CD96: variants seen among roughly 807,000 people sequenced by gnomAD.
The protein encoded by CD96 is CD96 molecule.
In CD96, 70 loss-of-function variants were observed where a neutral mutation model predicts 71.3. The observed-to-expected ratio is 0.98, with a 90% confidence interval of 0.81 to 1.20. The LOEUF (loss-of-function observed/expected upper bound fraction) is 1.20, where lower values mean the gene tolerates loss of function less well. Among genes scored for constraint, CD96 ranks in the 50% most tolerant of loss-of-function variants. The pLI is 0.00. For missense variants in CD96, 742 were observed against 677.5 expected, an observed-to-expected ratio of 1.10 and a Z score of -1.06; for synonymous variants, 248 against 233.0, an observed-to-expected ratio of 1.06 and a Z score of -0.59.
intron 2 of CD96, among the ~76,000 whole-genome samples, chr3:111,565,632 A>G (rs893278869): frequency 2.6e-5 from 4 of 152,066 alleles, no homozygotes; most frequent in Non-Finnish European, 5.9e-5. Flanking sequence ...TAGAGATGGT[A>G]TAGAAACAAC....
At chr3:111,553,597 A>G (rs910126931) in intron 2 of CD96, among the ~76,000 whole-genome samples, 5 of 151,918 alleles carry the variant, frequency 3.3e-5, no homozygotes, top group African/African-American at 1.2e-4. Flanking sequence ...TCCCTAATTT[A>G]TTAGCTTAAG....
intron 2 of CD96, among the ~76,000 whole-genome samples, chr3:111,562,024 C>A (rs1935458764): frequency 6.6e-6 from 1 of 152,196 alleles, no homozygotes; most frequent in African/African-American, 2.4e-5. Flanking sequence ...CTCCCTGACC[C>A]CTTGCACTTC....
chr3:111,550,040 G>A (rs1473894939), intron 2 of CD96, among the ~76,000 whole-genome samples: 4 of 152,222 alleles, frequency 2.6e-5, no homozygotes, highest in South Asian at 2.1e-4. Flanking sequence ...CCATGGTGAC[G>A]GATGGAGAAA....
At chr3:111,627,359 A>G (rs961856679) in intron 10 of CD96, among the ~76,000 whole-genome samples, 4 of 152,314 alleles carry the variant, frequency 2.6e-5, no homozygotes, top group Middle Eastern at 3.4e-3. Flanking sequence ...TCCACAACAC[A>G]GTTCCCCAGC....
intron 3 of CD96, among the ~76,000 whole-genome samples, chr3:111,575,782 G>T (rs1158178982): frequency 1.3e-5 from 2 of 152,202 alleles, no homozygotes; most frequent in Non-Finnish European, 2.9e-5. Context: ...GTCCTCACAT[G>T]GCAGAAGAGC....
chr3:111,550,280 G>A (rs1195873386), intron 2 of CD96, among the ~76,000 whole-genome samples: 2 of 152,148 alleles, frequency 1.3e-5, no homozygotes. Context: ...AGGCTGGAGG[G>A]AGAAGAGGAA....
chr3:111,612,019 G>C (rs1645332968), intron 8 of CD96, among the ~76,000 whole-genome samples: 1 of 152,174 alleles, frequency 6.6e-6, no homozygotes, highest in South Asian at 2.1e-4. Context: ...TTGAAGGCCT[G>C]TATTGTCCAG....
At chr3:111,665,172 A>AGTGTGTGTGTGTGT (rs3082291) in intron 14 of CD96, among the ~76,000 whole-genome samples, 4 of 149,260 alleles carry the variant, frequency 2.7e-5, no homozygotes, top group Non-Finnish European at 6.0e-5. Flanking sequence ...AGATGGAATA[A>AGTGTGTGTGTGTGT]GTGTGTGTGT....
rs548771216 is a variant in CD96, at chr3:111,574,306, C to T, written c.544-4721C>T. Among the ~76,000 whole-genome samples, 5 of 152,218 alleles carry T rather than the reference C, an allele frequency of 3.3e-5. 1 individual carries two copies. Among genetic ancestry groups the T allele is most frequent in the South Asian group, 2.1e-4 (1 of 4,826 alleles). The stretch of plus-strand genomic sequence containing the variant: ...GCTCCAAAATCTGAAACTTTTTTAG[C>T]GCACACATGATGCTCAAAAGAAATG... On this transcript the variant is annotated intron_variant, in intron 3 of 13. Coordinates refer to ENST00000352690, the MANE Select transcript of CD96 (RefSeq NM_005816.5).
At chr3:111,629,727 C>A (rs1938963483) in intron 10 of CD96, among the ~76,000 whole-genome samples, 1 of 152,178 alleles carries the variant, frequency 6.6e-6, no homozygotes, top group Admixed American at 6.5e-5. Flanking sequence ...CTTCTCATCA[C>A]CTCATGGCAC....
intron 14 of CD96, among the ~76,000 whole-genome samples, chr3:111,662,087 G>T (rs1940372947): frequency 6.6e-6 from 1 of 152,206 alleles, no homozygotes; most frequent in Non-Finnish European, 1.5e-5. Flanking sequence ...GCACCTGCAG[G>T]TCCAAAACCA....
rs970198427 is a variant in CD96, at chr3:111,664,424, C to G, written c.*53-1103C>G. ...ATGCAGGAACAGGAAAAAAAAATAC[C>G]ACGTGTTCTCACTTATAAGTGGGAG... On this transcript the variant is annotated intron_variant and NMD_transcript_variant, in intron 14 of 14. Coordinates refer to the CD96 transcript ENST00000494798. Among the ~76,000 whole-genome samples the G allele has an allele frequency of 3.9e-5, 6 of 152,004 alleles. 1 individual carries two copies. Among genetic ancestry groups the G allele is most frequent in the Admixed American group, 2.0e-4 (3 of 15,262 alleles).
chr3:111,584,187 CT>C (rs1203293923), intron 4 of CD96, among the ~76,000 whole-genome samples: 1 of 152,190 alleles, frequency 6.6e-6, no homozygotes, highest in Admixed American at 6.5e-5. Flanking sequence ...CTGCCAGTCT[CT>C]TTGCTAAAAC....
At position 111,637,241 on chromosome 3, in the gene CD96, G is replaced by T. The variant is rs1339855091; in HGVS notation, c.1367G>T (p.Gly456Val). 6.3e-7 allele frequency: 1 copy of T among 1,579,218 alleles called. No homozygotes were observed. The highest frequency in any genetic ancestry group is 8.7e-7 in the Non-Finnish European group (1 of 1,148,324). Reference sequence around the variant, plus strand: ...GAAACATACAGTTCATCCCCGTCAGGTGCAGGCTCAACACTTCATGGTGAG... The same window carrying T: ...GAAACATACAGTTCATCCCCGTCAGTTGCAGGCTCAACACTTCATGGTGAG... ...PSETYSSSPS[G>V]AGSTLHDNVF... The change falls in exon 11 of 14, where the codon GGT becomes GTT. Residue 456 changes from glycine to valine, a missense_variant. Coordinates refer to ENST00000352690, the MANE Select transcript of CD96 (RefSeq NM_005816.5).
intron 5 of CD96, among the ~76,000 whole-genome samples, chr3:111,596,229 A>G (rs533037834): frequency 6.6e-6 from 1 of 152,124 alleles, no homozygotes; most frequent in Admixed American, 6.5e-5. Flanking sequence ...GAAATGGCAT[A>G]GCAGAAAATA....
chr3:111,573,056 G>A lies in CD96; in HGVS notation c.543+5409G>A, dbSNP rs142794966. 4.6e-5 allele frequency among the ~76,000 whole-genome samples: 7 copies of A among 152,276 alleles called. No homozygotes were observed. The East Asian group carries it at 1.2e-3, about 25-fold the overall frequency. On this transcript the variant is annotated intron_variant, in intron 3 of 13. Transcript: ENST00000352690. ...TCTCTAATGGAAACTAATAATCTACGTGAATGGAGGAGTAATATATAAGAA... is the reference window on the plus strand; with the variant it reads ...TCTCTAATGGAAACTAATAATCTACATGAATGGAGGAGTAATATATAAGAA...
intron 12 of CD96, among the ~76,000 whole-genome samples, 177 bp downstream of exon 12, chr3:111,638,345 A>G (rs544497175): frequency 2.0e-5 from 3 of 152,370 alleles, no homozygotes; most frequent in Non-Finnish European, 4.4e-5. Flanking sequence ...ATAAATAATC[A>G]CAACTAAATT....
At chr3:111,620,498 A>T (rs1330555513) in intron 8 of CD96, among the ~76,000 whole-genome samples, 1 of 152,214 alleles carries the variant, frequency 6.6e-6, no homozygotes, top group African/African-American at 2.4e-5. Flanking sequence ...TAGTTCTCTA[A>T]AAGACTTTAA....
At chr3:111,654,905 A>G (rs912597375), downstream of CD96, among the ~76,000 whole-genome samples, 2 of 152,270 alleles carry the variant, frequency 1.3e-5, no homozygotes, top group East Asian at 1.9e-4. Flanking sequence ...CAACAGTTAC[A>G]TGAATCCTGC....
Sources: allele counts gnomAD v4.1 joint callset (sites outside exome capture counted in the v4.1 genomes callset), GRCh38; gene constraint gnomAD v4.1.1; transcripts MANE v1.5; gene names NCBI Gene and HGNC (gene_info 2026-07-23, HGNC 2026-07-21).